ATG3: variants seen among roughly 807,000 people sequenced by gnomAD.
ATG3 encodes ubiquitin-like-conjugating enzyme ATG3.
A neutral mutation model predicts 50.7 loss-of-function variants in ATG3; 25 were observed. That is an observed-to-expected ratio of 0.49 (90% CI 0.36 to 0.69). The LOEUF (loss-of-function observed/expected upper bound fraction) is 0.69. Among genes scored for constraint, ATG3 ranks in the 30% least tolerant of loss-of-function variants. The pLI, the probability that ATG3 is intolerant of heterozygous loss-of-function variation, is 0.00. For missense variants in ATG3, 281 were observed against 376.0 expected, an observed-to-expected ratio of 0.75 and a Z score of 2.09; for synonymous variants, 119 against 125.5, an observed-to-expected ratio of 0.95 and a Z score of 0.34.
intron 3 of ATG3, among the ~76,000 whole-genome samples, chr3:112,552,014 C>T (rs893319013): frequency 1.3e-5 from 2 of 152,018 alleles, no homozygotes; most frequent in Non-Finnish European, 2.9e-5. Flanking sequence ...TTCAGCGACA[C>T]GGTAAGTATT....
intron 7 of ATG3, 131 bp from the exon 8 acceptor site, chr3:112,538,311 A>T (rs992103987): frequency 1.3e-5 from 9 of 670,366 alleles, no homozygotes; most frequent in Non-Finnish European, 2.3e-5. Flanking sequence ...GAAGATATTG[A>T]ATAGATAGAT....
chr3:112,545,949 G>A (rs1933357257), intron 5 of ATG3, among the ~76,000 whole-genome samples: 2 of 152,074 alleles, frequency 1.3e-5, no homozygotes, highest in South Asian at 2.1e-4. Flanking sequence ...AAGATAGGGG[G>A]ATATCATCCA....
chr3:112,546,469 TA>T (rs1320520520), intron 5 of ATG3, among the ~76,000 whole-genome samples: 1 of 152,162 alleles, frequency 6.6e-6, no homozygotes, highest in Non-Finnish European at 1.5e-5. Flanking sequence ...GGACAAAAAT[TA>T]AAACTGATGA....
At chr3:112,549,839 T>C (rs547866249) in intron 4 of ATG3, among the ~76,000 whole-genome samples, 151 of 151,508 alleles carry the variant, frequency 1.0e-3, no homozygotes, top group African/African-American at 3.5e-3. Context: ...TTCAAAATAT[T>C]TTTGTGTCCT....
chr3:112,561,421 T>A (rs1933872844), intron 1 of ATG3, 36 bp downstream of exon 1: 3 of 1,606,330 alleles, frequency 1.9e-6, no homozygotes, highest in Non-Finnish European at 2.6e-6. Context: ...GTCGAGCATG[T>A]GCCTGACAGC....
chr3:112,553,361 A>C, intron 2 of ATG3, 32 bp from the exon 3 acceptor site: 1 of 1,597,368 alleles, frequency 6.3e-7, no homozygotes, highest in Non-Finnish European at 8.6e-7. Context: ...TATGAAAAAA[A>C]GGAAAAAGAA....
Position 112,541,748 on chromosome 3 carries a change from A to G in ATG3, c.475+55T>C, listed in dbSNP as rs1380232059. On this transcript the variant is annotated intron_variant, in intron 7 of 11. Transcript: ENST00000283290. ...AGAATTCTTAATCCACATAAATTAC[A>G]AATATTCTAAATCAATATTCTAGTG... 4.2e-6 allele frequency: 6 copies of G among 1,433,392 alleles called. No homozygotes were observed. The East Asian group carries it at 1.4e-4, about 33-fold the overall frequency. 88.8% of individuals were successfully genotyped at this position (1,433,392 alleles called of 1,614,324 possible). A position where few individuals can be genotyped will look rare whatever the true frequency, so the allele number is the denominator to read the frequency against.
chr3:112,543,041 T>TA (rs1933272760), intron 6 of ATG3, among the ~76,000 whole-genome samples: 2 of 151,130 alleles, frequency 1.3e-5, no homozygotes, highest in Non-Finnish European at 3.0e-5. Flanking sequence ...AAACTGTAAA[T>TA]AAAAAAACAA....
Position 112,561,627 on chromosome 3 carries a change from CA to C in ATG3, c.-100del. ...AAATGTCCTCGCTGCCACCGACTCG[CA>C]TCAGCACCCGGCTGGCAGCACCCGA... On this transcript the variant is annotated 5_prime_UTR_variant, in exon 1 of 12. It removes an upstream start codon present in the reference 5' UTR. Transcript: ENST00000283290. The C allele has an allele frequency of 1.6e-6, 2 of 1,244,354 alleles. No homozygotes were observed. Among genetic ancestry groups the C allele is most frequent in the Non-Finnish European group, 2.3e-6 (2 of 888,574 alleles). The allele number at this position is 1,244,354 out of a possible 1,614,324, so 77.1% of individuals were successfully genotyped here. A position where few individuals can be genotyped will look rare whatever the true frequency, so the allele number is the denominator to read the frequency against.
intron 2 of ATG3, among the ~76,000 whole-genome samples, chr3:112,557,648 T>C (rs1056142436): frequency 1.3e-5 from 2 of 152,030 alleles, no homozygotes; most frequent in Non-Finnish European, 2.9e-5. Flanking sequence ...CCACAAAGAT[T>C]TGGAACTAGA....
intron 7 of ATG3, among the ~76,000 whole-genome samples, 184 bp downstream of exon 7, chr3:112,541,619 G>C (rs1158721017): frequency 1.3e-5 from 2 of 152,110 alleles, no homozygotes; most frequent in African/African-American, 2.4e-5. Flanking sequence ...GAGTAAAATA[G>C]AAGAGTCCAA....
intron 9 of ATG3, 28 bp from the exon 10 acceptor site, chr3:112,536,630 T>A: frequency 6.2e-7 from 1 of 1,612,570 alleles, no homozygotes. Flanking sequence ...GCTTTGAAAT[T>A]ACTATTTAAG....
intron 7 of ATG3, 34 bp downstream of exon 7, chr3:112,541,769 T>C (rs757947590): frequency 1.3e-6 from 2 of 1,511,444 alleles, no homozygotes; most frequent in South Asian, 2.3e-5. Flanking sequence ...ATCAATATTC[T>C]AGTGGAACTG....
At chr3:112,535,818 G>C (rs1933028265) in intron 10 of ATG3, 1 of 152,162 alleles carries the variant, frequency 6.6e-6, no homozygotes, top group African/African-American at 2.4e-5. Context: ...AGTCAACTGG[G>C]AAAGTTATCT....
In ATG3 at chr3:112,538,192, AAAC is replaced by A. The variant is rs371194916; in HGVS notation, c.476-15_476-13del. The A allele has an allele frequency of 4.3e-4, 674 of 1,566,784 alleles. 5 individuals are homozygous for A. In the African/African-American group the frequency reaches 8.0e-3, roughly 19 times the overall value. ...ACTCTCTTCATATTCTGTTATAAAA[AAAC>A]AACAAAAGATTAATCAAGTTCAAGT... On this transcript the variant is annotated splice_polypyrimidine_tract_variant and intron_variant, in intron 7 of 11. Coordinates refer to ENST00000283290, the MANE Select transcript of ATG3 (RefSeq NM_022488.5).
rs1182993167 is a variant in ATG3, at chr3:112,561,534, G to A, written c.-6C>T. 9.9e-6 allele frequency: 16 copies of A among 1,608,118 alleles called. No homozygotes were observed. The highest frequency in any genetic ancestry group is 1.4e-5 in the Non-Finnish European group (16 of 1,179,144). On this transcript the variant is annotated 5_prime_UTR_variant, in exon 1 of 12. Transcript: ENST00000283290. The stretch of plus-strand genomic sequence containing the variant: ...GTATTAATCACATTCTGCATCCTGG[G>A]GCCGGAGTAGCGGCCGGCCCCGCGA...
At chr3:112,544,261 A>C (rs1254640883) in intron 5 of ATG3, among the ~76,000 whole-genome samples, 155 bp from the exon 6 acceptor site, 1 of 152,248 alleles carries the variant, frequency 6.6e-6, no homozygotes, top group African/African-American at 2.4e-5. Context: ...CTCTAATGAG[A>C]ATAGTCACAA....
At chr3:112,552,937 C>T (rs542966487) in intron 3 of ATG3, among the ~76,000 whole-genome samples, 46 of 152,090 alleles carry the variant, frequency 3.0e-4, no homozygotes, top group Non-Finnish European at 5.6e-4. Context: ...TGAGCCACCG[C>T]GCCCTGCCAA....
chr3:112,555,497 A>G (rs998772547), intron 2 of ATG3, among the ~76,000 whole-genome samples: 15 of 152,208 alleles, frequency 9.9e-5, no homozygotes, highest in African/African-American at 3.6e-4. Flanking sequence ...CTACTTAAAC[A>G]AGTCATACAT....
Sources: gnomAD v4.1 joint callset for allele counts (sites outside exome capture counted in the v4.1 genomes callset) on GRCh38, gnomAD v4.1.1 for gene constraint, MANE v1.5 for transcripts, NCBI Gene and HGNC (gene_info 2026-07-23, HGNC 2026-07-21) for gene names.